The following CAP2 variants were observed in gnomAD, a reference collection of about 807,000 sequenced individuals.
CAP2 encodes adenylyl cyclase-associated protein 2.
Under a neutral mutation model 57.7 loss-of-function variants are expected in CAP2, and 24 were observed. The ratio of observed to expected loss-of-function variants is 0.42; its 90% confidence interval spans 0.30 to 0.58. The LOEUF is 0.58. CAP2 is among the 20% of genes least tolerant of loss of function. The pLI is 0.22. For synonymous variants in CAP2, 194 were observed against 207.2 expected, an observed-to-expected ratio of 0.94 and a Z score of 0.55; for missense variants, 501 against 590.3, an observed-to-expected ratio of 0.85 and a Z score of 1.57.
At chr6:17,401,774 T>C (rs1270849068) in intron 1 of CAP2, among the ~76,000 whole-genome samples, 1 of 152,194 alleles carries the variant, frequency 6.6e-6, no homozygotes, top group Non-Finnish European at 1.5e-5. Flanking sequence ...CTCTGTTTCT[T>C]AGTACTCCTC....
chr6:17,435,120 T>G (rs1323362473), intron 3 of CAP2, among the ~76,000 whole-genome samples: 1 of 113,334 alleles, frequency 8.8e-6, no homozygotes, highest in African/African-American at 3.3e-5. Context: ...GAAGTCAGTG[T>G]GGCGATTCCT....
At chr6:17,424,803 A>G (rs1759545654) in intron 2 of CAP2, among the ~76,000 whole-genome samples, 1 of 152,238 alleles carries the variant, frequency 6.6e-6, no homozygotes. Flanking sequence ...ATTCCCTTTT[A>G]TCATTGTACC....
At chr6:17,491,742 T>C (rs1050154798) in intron 4 of CAP2, among the ~76,000 whole-genome samples, 11 of 152,242 alleles carry the variant, frequency 7.2e-5, no homozygotes, top group Non-Finnish European at 1.2e-4. Context: ...TAAGTATTTC[T>C]TGATCTTGTT....
At chr6:17,508,764 T>TG (rs1170569894) in intron 6 of CAP2, among the ~76,000 whole-genome samples, 1 of 151,624 alleles carries the variant, frequency 6.6e-6, no homozygotes, top group Non-Finnish European at 1.5e-5. Context: ...TCTTTTTTTT[T>TG]TTTTGAGATG....
intron 3 of CAP2, among the ~76,000 whole-genome samples, chr6:17,452,544 A>G: frequency 6.6e-6 from 1 of 152,158 alleles, no homozygotes; most frequent in East Asian, 1.9e-4. Context: ...TGACAGCACA[A>G]AGGGGGCAGT....
intron 1 of CAP2, among the ~76,000 whole-genome samples, chr6:17,416,381 C>G (rs941584304): frequency 6.6e-6 from 1 of 152,124 alleles, no homozygotes; most frequent in Non-Finnish European, 1.5e-5. Context: ...TGACCATGTT[C>G]CAGACTTTCT....
intron 1 of CAP2, among the ~76,000 whole-genome samples, chr6:17,416,121 C>T (rs955664743): frequency 2.5e-4 from 28 of 113,744 alleles, no homozygotes; most frequent in African/African-American, 7.1e-4. Context: ...CCACAATTTT[C>T]ATTTTATGGT....
chr6:17,445,501 A>G (rs1760233600), intron 3 of CAP2, among the ~76,000 whole-genome samples: 1 of 152,154 alleles, frequency 6.6e-6, no homozygotes, highest in African/African-American at 2.4e-5. Context: ...CTTCCCCCTC[A>G]ATTGTTTTCA....
At chr6:17,464,423 G>A (rs1257755147) in intron 4 of CAP2, among the ~76,000 whole-genome samples, 1 of 152,104 alleles carries the variant, frequency 6.6e-6, no homozygotes, top group Non-Finnish European at 1.5e-5. Flanking sequence ...GACCTTCAGG[G>A]GATGACACTC....
At chr6:17,500,720 A>G (rs1184520190) in intron 4 of CAP2, among the ~76,000 whole-genome samples, 1 of 152,164 alleles carries the variant, frequency 6.6e-6, no homozygotes, top group Non-Finnish European at 1.5e-5. Context: ...CTTTTCCCTT[A>G]ATTGCAAAGG....
chr6:17,539,272 C>T lies in CAP2; in HGVS notation c.640C>T (p.Pro214Ser). 2 of 1,612,816 alleles carry T rather than the reference C, an allele frequency of 1.2e-6. No homozygotes were observed. The highest frequency in any genetic ancestry group is 1.1e-5 in the South Asian group (1 of 90,976). ...GCCCTGTCTTCTGTCTTCTCAGGGT[C>T]CTGTAGCATCCACAGTATCAGCGTT... is the stretch of plus-strand genomic sequence containing the variant. ...TTGLTWSKTG[P>S]VASTVSAFSV... The change falls in exon 8 of 13, where the codon CCT (proline) becomes TCT (serine). Residue 214 changes from proline to serine, a missense_variant. Pro to Ser is a moderately conservative substitution (Grantham distance 74, BLOSUM62 -1). Coordinates refer to ENST00000229922, the MANE Select transcript of CAP2 (RefSeq NM_006366.3).
intron 1 of CAP2, among the ~76,000 whole-genome samples, chr6:17,410,703 G>A (rs183334643): frequency 6.6e-6 from 1 of 151,988 alleles, no homozygotes; most frequent in East Asian, 1.9e-4. Context: ...GACTACAGGT[G>A]ACCGCCACCA....
At chr6:17,502,867 C>T (rs1344321477) in intron 4 of CAP2, among the ~76,000 whole-genome samples, 5 of 152,118 alleles carry the variant, frequency 3.3e-5, no homozygotes, top group Non-Finnish European at 4.4e-5. Flanking sequence ...TTTAGTAGTT[C>T]TGCCATCATT....
intron 4 of CAP2, among the ~76,000 whole-genome samples, chr6:17,503,695 C>G (rs970473146): frequency 2.6e-5 from 4 of 151,950 alleles, no homozygotes; most frequent in African/African-American, 9.7e-5. Flanking sequence ...CTTTAAAGAC[C>G]CTATCTTCAA....
chr6:17,524,465 G>A (rs1426315919), intron 7 of CAP2, among the ~76,000 whole-genome samples: 1 of 152,146 alleles, frequency 6.6e-6, no homozygotes, highest in African/African-American at 2.4e-5. Context: ...AGAATTCAAG[G>A]GTGAGCCAGC....
At chr6:17,540,160 A>G (rs996356203) in intron 8 of CAP2, among the ~76,000 whole-genome samples, 2 of 152,170 alleles carry the variant, frequency 1.3e-5, no homozygotes, top group East Asian at 1.9e-4. Context: ...ATATCCCACT[A>G]TACTGGGCTT....
chr6:17,501,684 G>C (rs1581573850), intron 4 of CAP2, among the ~76,000 whole-genome samples: 1 of 152,172 alleles, frequency 6.6e-6, no homozygotes, highest in Non-Finnish European at 1.5e-5. Context: ...AAAGCTTGCT[G>C]ATAAAACTCA....
intron 7 of CAP2, among the ~76,000 whole-genome samples, chr6:17,528,433 T>C (rs539311233): frequency 6.6e-6 from 1 of 152,364 alleles, no homozygotes; most frequent in Non-Finnish European, 1.5e-5. Flanking sequence ...GTTACTTCTC[T>C]AAAGCAACTT....
chr6:17,517,166 C>A (rs1464969064), intron 7 of CAP2, among the ~76,000 whole-genome samples: 2 of 152,106 alleles, frequency 1.3e-5, no homozygotes, highest in Non-Finnish European at 2.9e-5. Flanking sequence ...TATTAGAGAA[C>A]AGTAAAATGA....
Sources: allele counts gnomAD v4.1 joint callset (sites outside exome capture counted in the v4.1 genomes callset), GRCh38; gene constraint gnomAD v4.1.1; transcripts MANE v1.5; gene names NCBI Gene and HGNC (gene_info 2026-07-23, HGNC 2026-07-21).